WDR27: variants seen among roughly 807,000 people sequenced by gnomAD.
WDR27 encodes WD repeat-containing protein 27.
WDR27 carries 100 observed loss-of-function variants against 114.4 expected under a neutral mutation model. That is an observed-to-expected ratio of 0.87 (90% confidence interval 0.74 to 1.03). WDR27 has a LOEUF of 1.03. WDR27 is among the 50% of genes least tolerant of loss of function. WDR27 has a pLI of 0.00. For missense variants in WDR27, 1,129 were observed against 1,092.9 expected (o/e 1.03, Z -0.47); for synonymous variants, 449 against 423.1 (o/e 1.06, Z -0.75).
chr6:169,636,314 A>G, intron 19 of WDR27, 57 bp downstream of exon 19: 2 of 1,586,466 alleles, frequency 1.3e-6, no homozygotes, highest in Non-Finnish European at 1.7e-6. Flanking sequence ...TCAACATCAC[A>G]TTATTGAAAC....
intron 21 of WDR27, among the ~76,000 whole-genome samples, chr6:169,630,445 C>G (rs757745827): frequency 6.6e-6 from 1 of 152,212 alleles, no homozygotes; most frequent in African/African-American, 2.4e-5. Flanking sequence ...CCCTAGTCTG[C>G]ACTCAGGTAT....
intron 25 of WDR27, among the ~76,000 whole-genome samples, chr6:169,536,238 A>G (rs1173729774): frequency 6.6e-6 from 1 of 152,202 alleles, no homozygotes; most frequent in Non-Finnish European, 1.5e-5. Flanking sequence ...CAAAAATACA[A>G]TCATAAGCCT....
chr6:169,591,810 G>A (rs1250694003), intron 23 of WDR27, among the ~76,000 whole-genome samples: 1 of 152,038 alleles, frequency 6.6e-6, no homozygotes, highest in Non-Finnish European at 1.5e-5. Flanking sequence ...CTTGGGAATT[G>A]GCTGTTGCCT....
chr6:169,681,500 AGCCCAGAAATG>A (rs2128315721), intron 2 of WDR27, among the ~76,000 whole-genome samples: 2 of 152,356 alleles, frequency 1.3e-5, no homozygotes, highest in African/African-American at 4.8e-5. Context: ...CGTAGCTTCA[AGCCCAGAAATG>A]GCCCAGTCCT....
Position 169,643,172 on chromosome 6 carries a change from T to C in WDR27, c.1747+525A>G, listed in dbSNP as rs191488872. On this transcript the variant is annotated intron_variant, in intron 17 of 25. Transcript: ENST00000448612. ...AGTGTAAGTTCTAAAGCAAGCCATA[T>C]CAGGATCCTAATGAAGAGCTGGCAG... 1.7e-3 allele frequency among the ~76,000 whole-genome samples: 259 copies of C among 152,310 alleles called. 3 individuals carry two copies. Among genetic ancestry groups the C allele is most frequent in the African/African-American group, 6.0e-3 (249 of 41,566 alleles).
At chr6:169,502,602 G>A (rs867498852) in intron 25 of WDR27, among the ~76,000 whole-genome samples, 2 of 152,124 alleles carry the variant, frequency 1.3e-5, no homozygotes, top group South Asian at 2.1e-4. Context: ...GGCCGACCCC[G>A]ATCCGGGGCT....
chr6:169,604,448 G>A (rs1018253305), intron 22 of WDR27, among the ~76,000 whole-genome samples: 3 of 151,874 alleles, frequency 2.0e-5, no homozygotes, highest in Non-Finnish European at 4.4e-5. Flanking sequence ...TAGAAAGACT[G>A]AATCAAGAAA....
At chr6:169,478,776 T>G (rs1418552031) in intron 25 of WDR27, among the ~76,000 whole-genome samples, 2 of 152,166 alleles carry the variant, frequency 1.3e-5, no homozygotes, top group Non-Finnish European at 2.9e-5. Flanking sequence ...AAAAACCATC[T>G]GATTTTCGAC....
rs377062939 is a variant in WDR27 at position 169,634,306 on chromosome 6, G to C, written c.2101+122C>G. 5.4e-5 allele frequency: 34 copies of C among 628,222 alleles called. No individual in the cohort carries two copies. In the South Asian group the frequency reaches 6.5e-4, roughly 12 times the overall value. The allele number at this position is 628,222 out of a possible 1,614,324, so 38.9% of individuals were successfully genotyped here. A position where few individuals can be genotyped will look rare whatever the true frequency, so the allele number is the denominator to read the frequency against. On this transcript the variant is annotated intron_variant, in intron 20 of 25. Coordinates refer to ENST00000448612, the MANE Select transcript of WDR27 (RefSeq NM_182552.5). ...CAAGGATGGCGAGCTCCATGAGAAG[G>C]GTCCCTGCATTCCCGGAGCCCCACA...
At chr6:169,532,419 C>A (rs951974925) in intron 25 of WDR27, among the ~76,000 whole-genome samples, 1 of 151,948 alleles carries the variant, frequency 6.6e-6, no homozygotes, top group African/African-American at 2.4e-5. Flanking sequence ...ATGGATTTTA[C>A]CAAAGTCTAT....
At chr6:169,631,045 A>T (rs2128214303) in intron 21 of WDR27, among the ~76,000 whole-genome samples, 1 of 152,354 alleles carries the variant, frequency 6.6e-6, no homozygotes. Flanking sequence ...GCCTAGTCTC[A>T]TCATAAATCA....
intron 23 of WDR27, among the ~76,000 whole-genome samples, chr6:169,588,131 G>A (rs751212445): frequency 6.6e-5 from 10 of 152,224 alleles, no homozygotes; most frequent in Non-Finnish European, 7.3e-5. Context: ...CAGAGGCGAT[G>A]AGCATCACAC....
chr6:169,550,184 A>G (rs1797914535), intron 25 of WDR27, among the ~76,000 whole-genome samples: 1 of 152,216 alleles, frequency 6.6e-6, no homozygotes, highest in East Asian at 1.9e-4. Flanking sequence ...TGCTCTTTAA[A>G]AAGAATTTGT....
At chr6:169,666,363 C>T in intron 6 of WDR27, 1 of 982,716 alleles carries the variant, frequency 1.0e-6, no homozygotes, top group Non-Finnish European at 1.2e-6. Context: ...AATAACTCTA[C>T]CAGGTCACCA....
At chr6:169,590,740 A>G (rs1388240887) in intron 23 of WDR27, among the ~76,000 whole-genome samples, 1 of 152,244 alleles carries the variant, frequency 6.6e-6, no homozygotes, top group African/African-American at 2.4e-5. Context: ...TCTTGTAAAG[A>G]CGTAGCAGAA....
intron 2 of WDR27, among the ~76,000 whole-genome samples, chr6:169,675,236 A>G (rs1238904803): frequency 2.6e-5 from 4 of 152,078 alleles, no homozygotes; most frequent in African/African-American, 9.7e-5. Flanking sequence ...GCATGGTGCC[A>G]TCCTCACCAT....
intron 25 of WDR27, among the ~76,000 whole-genome samples, chr6:169,510,928 T>C (rs895149292): frequency 2.0e-5 from 3 of 152,166 alleles, no homozygotes; most frequent in African/African-American, 7.2e-5. Context: ...AAAAAAAATA[T>C]ATATGCAAAA....
chr6:169,571,261 A>G (rs200867203), intron 25 of WDR27, among the ~76,000 whole-genome samples: 1 of 102,726 alleles, frequency 9.7e-6, no homozygotes, highest in Non-Finnish European at 1.7e-5. Flanking sequence ...GAAAAAAATT[A>G]AAAAAAAAAT....
At chr6:169,680,597 A>G (rs1028466644) in intron 2 of WDR27, among the ~76,000 whole-genome samples, 3 of 152,142 alleles carry the variant, frequency 2.0e-5, no homozygotes, top group Non-Finnish European at 2.9e-5. Context: ...AAAAAAGAAG[A>G]TATTTTTCTT....
Sources: allele counts gnomAD v4.1 joint callset (sites outside exome capture counted in the v4.1 genomes callset), GRCh38; gene constraint gnomAD v4.1.1; transcripts MANE v1.5; gene names NCBI Gene and HGNC (gene_info 2026-07-23, HGNC 2026-07-21).